ARHGAP32: variants seen among roughly 807,000 people sequenced by gnomAD.
ARHGAP32 encodes rho GTPase-activating protein 32.
ARHGAP32 carries 51 observed loss-of-function variants against 186.5 expected under a neutral mutation model. The ratio of observed to expected loss-of-function variants is 0.27; its 90% CI spans 0.22 to 0.35. The LOEUF is 0.35. Among genes scored for constraint, ARHGAP32 ranks in the 10% least tolerant of loss-of-function variants. The probability of loss-of-function intolerance (pLI) is 1.00; values close to 1 mark genes in which losing one functional copy is unlikely to be tolerated. For synonymous variants in ARHGAP32, 950 were observed against 964.3 expected (o/e 0.99, Z 0.27); for missense variants, 2,186 against 2,623.5 (o/e 0.83, Z 3.64).
intron 1 of ARHGAP32, among the ~76,000 whole-genome samples, chr11:129,237,796 T>C (rs1294582938): frequency 6.6e-6 from 1 of 152,134 alleles, no homozygotes; most frequent in Admixed American, 6.5e-5. Flanking sequence ...GAGAGCCTTT[T>C]TGCAAAAGAG....
At chr11:129,079,763 G>A (rs969307279) in intron 6 of ARHGAP32, among the ~76,000 whole-genome samples, 3 of 152,124 alleles carry the variant, frequency 2.0e-5, no homozygotes, top group East Asian at 3.9e-4. Flanking sequence ...CAATACTAAT[G>A]TTGACTGTAA....
chr11:129,109,686 G>A (rs1436573465), intron 5 of ARHGAP32, among the ~76,000 whole-genome samples: 3 of 152,180 alleles, frequency 2.0e-5, no homozygotes, highest in Admixed American at 2.0e-4. Context: ...GTGATGTTGA[G>A]TATTTTTCAT....
intron 6 of ARHGAP32, among the ~76,000 whole-genome samples, chr11:129,080,277 T>A (rs1476304800): frequency 8.5e-5 from 13 of 152,104 alleles, no homozygotes; most frequent in African/African-American, 3.1e-4. Context: ...CAGAACATTC[T>A]ACCCAACAAC....
At chr11:129,095,468 A>G (rs1016847587) in intron 5 of ARHGAP32, among the ~76,000 whole-genome samples, 1 of 152,228 alleles carries the variant, frequency 6.6e-6, no homozygotes, top group African/African-American at 2.4e-5. Flanking sequence ...CTCACCAGGG[A>G]TATCGGGTGA....
In ARHGAP32 at chr11:128,974,396, G is replaced by A; in HGVS notation, c.2801C>T (p.Ser934Leu). ...ATTTGAGACTGTACCAATGACTTCTGACACCCGTGGTGGTAGGGTCACTGA... is the reference window on the plus strand; with the variant it reads ...ATTTGAGACTGTACCAATGACTTCTAACACCCGTGGTGGTAGGGTCACTGA... Reference protein sequence around the residue: ...PISVTLPPRVSEVIGTVSNTT... With the variant: ...PISVTLPPRVLEVIGTVSNTT... Residue 934 changes from serine to leucine, a missense_variant, in exon 21 of 23, where the codon TCA becomes TTA. Physicochemically the swap from Ser to Leu is moderately radical, Grantham distance 145 (BLOSUM62 -2). Around this residue, in one of 5 missense-constraint regions of ARHGAP32, gnomAD observed 1,502 missense variants for 1,570.0 expected, o/e 0.96. Coordinates refer to ENST00000682385, the MANE Select transcript of ARHGAP32 (RefSeq NM_001378024.1). 2 of 1,614,146 alleles carry A rather than the reference G, an allele frequency of 1.2e-6. No individual in the cohort carries two copies. The highest frequency in any genetic ancestry group is 1.7e-6 in the Non-Finnish European group (2 of 1,180,012).
chr11:129,053,475 T>C (rs1051471652), intron 10 of ARHGAP32, among the ~76,000 whole-genome samples: 2 of 152,156 alleles, frequency 1.3e-5, no homozygotes, highest in East Asian at 1.9e-4. Flanking sequence ...TCATCCACTA[T>C]AGAAAAATCT....
intron 11 of ARHGAP32, among the ~76,000 whole-genome samples, chr11:129,031,992 C>A (rs1009450978): frequency 2.0e-5 from 3 of 152,192 alleles, no homozygotes; most frequent in Non-Finnish European, 4.4e-5. Context: ...CACCTTTCCA[C>A]TCCATCCCCT....
intron 1 of ARHGAP32, among the ~76,000 whole-genome samples, chr11:129,269,198 T>C (rs1945443765): frequency 6.6e-6 from 1 of 152,026 alleles, no homozygotes; most frequent in Non-Finnish European, 1.5e-5. Flanking sequence ...TTGAGCCCAG[T>C]AAGTCGAGGC....
chr11:129,115,475 T>C (rs563782620), intron 5 of ARHGAP32, among the ~76,000 whole-genome samples: 3 of 152,074 alleles, frequency 2.0e-5, no homozygotes, highest in African/African-American at 7.2e-5. Flanking sequence ...GAGTATCTGA[T>C]AAAGTAACCG....
intron 6 of ARHGAP32, among the ~76,000 whole-genome samples, chr11:129,073,537 G>A (rs1374073736): frequency 6.6e-6 from 1 of 152,004 alleles, no homozygotes; most frequent in African/African-American, 2.4e-5. Flanking sequence ...AAACTGAAAT[G>A]CAAAGAGAGA....
upstream of ARHGAP32, among the ~76,000 whole-genome samples, chr11:129,193,710 T>TTATATATTATATAA (rs1565465011): frequency 2.7e-4 from 10 of 37,244 alleles, no homozygotes; most frequent in East Asian, 7.2e-4. Flanking sequence ...ATAATATATA[T>TTATATATTATATAA]TATATATTAT....
chr11:129,056,150 T>G (rs953599632), intron 10 of ARHGAP32, among the ~76,000 whole-genome samples: 4 of 152,174 alleles, frequency 2.6e-5, no homozygotes, highest in Non-Finnish European at 5.9e-5. Context: ...TTCTATTCAA[T>G]GTACTGTAAA....
At chr11:129,229,409 TATTA>T (rs1265052049) in intron 1 of ARHGAP32, among the ~76,000 whole-genome samples, 11 of 152,146 alleles carry the variant, frequency 7.2e-5, no homozygotes, top group African/African-American at 2.2e-4. Context: ...GTTATGTTTA[TATTA>T]ATTAGTGAAC....
intron 17 of ARHGAP32, 38 bp from the exon 18 acceptor site, chr11:128,980,786 T>A: frequency 7.0e-7 from 1 of 1,433,068 alleles, no homozygotes; most frequent in Non-Finnish European, 9.6e-7. Context: ...GAGAGTCAAC[T>A]ACGTGAGTGT....
At chr11:129,184,702 A>G (rs1944123677) in intron 1 of ARHGAP32, among the ~76,000 whole-genome samples, 1 of 152,142 alleles carries the variant, frequency 6.6e-6, no homozygotes, top group African/African-American at 2.4e-5. Context: ...AAGTTCCAAA[A>G]TAAAGAACTC....
At chr11:128,975,027 AAAGT>A in intron 20 of ARHGAP32, 25 bp from the exon 21 acceptor site, 1 of 1,576,930 alleles carries the variant, frequency 6.3e-7, no homozygotes, top group Non-Finnish European at 8.6e-7. Flanking sequence ...TAACAGTGTC[AAAGT>A]AAGAACATCG....
intron 6 of ARHGAP32, among the ~76,000 whole-genome samples, chr11:129,093,223 A>G (rs1453585691): frequency 6.6e-6 from 1 of 152,080 alleles, no homozygotes; most frequent in African/African-American, 2.4e-5. Context: ...GTAGTGATCA[A>G]TAAATATCTT....
Position 129,081,678 on chromosome 11 carries a change from C to T in ARHGAP32, c.531+11943G>A, listed in dbSNP as rs144176027. On this transcript the variant is annotated intron_variant, in intron 6 of 22. Transcript: ENST00000682385. ...CAGGTAAAAGTTGAAAGTATTCCCC[C>T]GAGAACTGGAACAAGACAAGGATGC... 2.6e-3 allele frequency among the ~76,000 whole-genome samples: 396 copies of T among 151,804 alleles called. 4 individuals carry two copies. The highest frequency in any genetic ancestry group is 9.0e-3 in the African/African-American group (372 of 41,444).
chr11:129,273,746 G>A (rs11221631), intron 1 of ARHGAP32, among the ~76,000 whole-genome samples: 44,423 of 151,872 alleles, frequency 0.29, 6,773 homozygotes, highest in Middle Eastern at 0.4. Context: ...TAAAAGCAGT[G>A]GAGTCAAATG....
Sources: gnomAD v4.1 joint callset for allele counts (sites outside exome capture counted in the v4.1 genomes callset) on GRCh38, gnomAD v4.1.1 for gene constraint, gnomAD v4.1.1 regional missense constraint, MANE v1.5 for transcripts, NCBI Gene and HGNC (gene_info 2026-07-23, HGNC 2026-07-21) for gene names.